The following PCDHGB1 variants were observed in gnomAD, a reference collection of about 807,000 sequenced individuals.
The protein encoded by PCDHGB1 is protocadherin gamma subfamily B, 1, also known as protocadherin gamma-B1.
Under a neutral mutation model 56.6 loss-of-function variants are expected in PCDHGB1, and 34 were observed. The ratio of observed to expected loss-of-function variants is 0.60; its 90% confidence interval spans 0.46 to 0.80. PCDHGB1 has a LOEUF of 0.80. Among genes scored for constraint, PCDHGB1 ranks in the 30% least tolerant of loss-of-function variants. The pLI, the probability that PCDHGB1 is intolerant of heterozygous loss-of-function variation, is 0.00. For synonymous variants in PCDHGB1, 561 were observed against 505.9 expected (o/e 1.11, Z -1.46); for missense variants, 1,278 against 1,204.6 (o/e 1.06, Z -0.90).
Position 141,486,445 on chromosome 5 carries a change from G to A in PCDHGB1, c.2410-8362G>A. On this transcript the variant is annotated intron_variant, in intron 1 of 3. Coordinates refer to ENST00000523390, the MANE Select transcript of PCDHGB1 (RefSeq NM_018922.3). The surrounding 1 kb of genome is among the most constrained non-coding windows in gnomAD (Gnocchi z 5.0). ...AGGCCAAATCTAGCTATGACATCAT[G>A]GTCACTGCTTCTGATGCTGGGAACC... 6.2e-7 allele frequency: 1 copy of A among 1,613,948 alleles called. No homozygotes were observed. The highest frequency in any genetic ancestry group is 8.5e-7 in the Non-Finnish European group (1 of 1,179,862).
At position 141,404,057 on chromosome 5, in the gene PCDHGB1, T is replaced by G. The variant is rs558471539; in HGVS notation, c.2409+51388T>G. ...ACCTCAGGGAACAGTAATTCTTCTT[T>G]TCAATGCTCATGACCGAGACTCCGG... On this transcript the variant is annotated intron_variant, in intron 1 of 3. Coordinates refer to ENST00000523390, the MANE Select transcript of PCDHGB1 (RefSeq NM_018922.3). 9.5e-5 allele frequency: 154 copies of G among 1,613,894 alleles called. No individual in the cohort carries two copies. The East Asian group carries it at 3.4e-3, about 36-fold the overall frequency.
intron 1 of PCDHGB1, chr5:141,441,037 A>G (rs1318122240): frequency 6.6e-6 from 1 of 152,194 alleles, no homozygotes; most frequent in Admixed American, 6.5e-5. Context: ...GAAAACTTTA[A>G]GTACATTGGA....
chr5:141,448,806 G>A (rs1412164815), intron 1 of PCDHGB1, among the ~76,000 whole-genome samples: 1 of 152,008 alleles, frequency 6.6e-6, no homozygotes, highest in Admixed American at 6.5e-5. Context: ...TTAGCCAGGC[G>A]TGATGGCGGG....
intron 1 of PCDHGB1, chr5:141,395,239 T>C: frequency 6.3e-7 from 1 of 1,589,970 alleles, no homozygotes; most frequent in Non-Finnish European, 8.6e-7. Flanking sequence ...CATGGTCAGG[T>C]GAGTTTAGTT....
intron 1 of PCDHGB1, among the ~76,000 whole-genome samples, chr5:141,483,361 A>C (rs752805137): frequency 4.6e-5 from 7 of 152,102 alleles, no homozygotes; most frequent in Non-Finnish European, 7.4e-5. Flanking sequence ...TTTGAAAGCT[A>C]TTGCAATATT....
At chr5:141,475,322 G>A (rs1352768659) in intron 1 of PCDHGB1, among the ~76,000 whole-genome samples, 1 of 152,204 alleles carries the variant, frequency 6.6e-6, no homozygotes, top group African/African-American at 2.4e-5. Flanking sequence ...CTTAAGAAAT[G>A]AGAGCTAACA....
At chr5:141,372,216 A>G (rs1768504235) in intron 1 of PCDHGB1, 8 of 1,613,520 alleles carry the variant, frequency 5.0e-6, no homozygotes, top group Non-Finnish European at 5.1e-6. Flanking sequence ...GTCCTACCAC[A>G]TTGTGCAGGC....
intron 1 of PCDHGB1, among the ~76,000 whole-genome samples, chr5:141,438,793 C>T (rs982191766): frequency 2.7e-5 from 4 of 149,544 alleles, no homozygotes; most frequent in African/African-American, 7.4e-5. Context: ...TCTCCAGTAG[C>T]TGGGATTACA....
At chr5:141,404,238 C>T (rs764561008) in intron 1 of PCDHGB1, 3 of 1,613,712 alleles carry the variant, frequency 1.9e-6, no homozygotes, top group Non-Finnish European at 2.5e-6. Context: ...GACAGAGGAA[C>T]TCCGCCCCTG....
At chr5:141,394,883 ACT>A (rs1415060925) in intron 1 of PCDHGB1, 4 of 1,611,604 alleles carry the variant, frequency 2.5e-6, no homozygotes, top group Admixed American at 1.7e-5. Context: ...CGAGCCTTAC[ACT>A]CTATCTCGTG....
In PCDHGB1 at chr5:141,487,934, C is replaced by T; in HGVS notation, c.2410-6873C>T. 4.9e-6 allele frequency: 3 copies of T among 607,674 alleles called. No homozygotes were observed. The highest frequency in any genetic ancestry group is 2.1e-5 in the South Asian group (1 of 48,014). 37.6% of individuals were successfully genotyped at this position (607,674 alleles called of 1,614,324 possible). Reference sequence around the variant, plus strand: ...ACAGGAGGCTACAGTGCACAGGGTACAGTGCACCAGGCAGTCACTTGGACA... The same window carrying T: ...ACAGGAGGCTACAGTGCACAGGGTATAGTGCACCAGGCAGTCACTTGGACA... On this transcript the variant is annotated intron_variant, in intron 1 of 3. Transcript: ENST00000523390. This position sits in a 1 kb window ranked among gnomAD's most constrained non-coding sequence, Gnocchi z 5.0.
rs777751826 is a variant in PCDHGB1, at chr5:141,371,625, G to T, written c.2409+18956G>T. 2.4e-5 allele frequency: 38 copies of T among 1,613,874 alleles called. No homozygotes were observed. The highest frequency in any genetic ancestry group is 3.3e-5 in the Admixed American group (2 of 60,014). ...CAGGTTGGTGACAGATGGAGCCCTG[G>T]ACCGGGAGCAGATCCCAGAATACAA... On this transcript the variant is annotated intron_variant, in intron 1 of 3. Coordinates refer to ENST00000523390, the MANE Select transcript of PCDHGB1 (RefSeq NM_018922.3).
intron 1 of PCDHGB1, chr5:141,417,710 T>C: frequency 8.0e-7 from 1 of 1,249,348 alleles, no homozygotes; most frequent in Non-Finnish European, 1.1e-6. Context: ...ACACAGAGGC[T>C]CCCGGCTGCG....
chr5:141,367,183 G>A lies in PCDHGB1; in HGVS notation c.2409+14514G>A, dbSNP rs190214885. On this transcript the variant is annotated intron_variant, in intron 1 of 3. Coordinates refer to ENST00000523390, the MANE Select transcript of PCDHGB1 (RefSeq NM_018922.3). Reference sequence around the variant, plus strand: ...TTAGTCTACCTGAAATTTGTTTAAGGAAATAATTTACAGTATTTACATAAA... The same window carrying A: ...TTAGTCTACCTGAAATTTGTTTAAGAAAATAATTTACAGTATTTACATAAA... 1.5e-3 allele frequency: 236 copies of A among 158,878 alleles called. 2 individuals carry two copies. The Middle Eastern group carries it at 0.027, about 18-fold the overall frequency. The allele number at this position is 158,878 out of a possible 1,614,324, so 9.8% of individuals were successfully genotyped here.
At chr5:141,483,656 G>A (rs1345435222) in intron 1 of PCDHGB1, among the ~76,000 whole-genome samples, 1 of 151,984 alleles carries the variant, frequency 6.6e-6, no homozygotes, top group Non-Finnish European at 1.5e-5. Flanking sequence ...GTTTGTGTGT[G>A]TGTGTGTGTG....
At position 141,432,716 on chromosome 5, in the gene PCDHGB1, C is replaced by A; in HGVS notation, c.2410-62091C>A. 6.2e-7 allele frequency: 1 copy of A among 1,614,030 alleles called. No individual in the cohort carries two copies. The highest frequency in any genetic ancestry group is 1.1e-5 in the South Asian group (1 of 91,084). ...GGCCGTCCAGGACCACGGCCAGCCC[C>A]CTCTCTCCGCCACTGTCACGCTCAC... On this transcript the variant is annotated intron_variant, in intron 1 of 3. Transcript: ENST00000523390. This position sits in a 1 kb window ranked among gnomAD's most constrained non-coding sequence, Gnocchi z 6.0.
chr5:141,438,658 G>GTA (rs2098048375), intron 1 of PCDHGB1, among the ~76,000 whole-genome samples: 7 of 77,996 alleles, frequency 9.0e-5, no homozygotes, highest in African/African-American at 1.9e-4. Flanking sequence ...ACACATATAT[G>GTA]TATATATATA....
chr5:141,430,309 A>G (rs984998714), intron 1 of PCDHGB1, among the ~76,000 whole-genome samples: 2 of 152,116 alleles, frequency 1.3e-5, no homozygotes, highest in Non-Finnish European at 2.9e-5. Context: ...CACTAACATT[A>G]TAAGATTAAA....
Position 141,418,795 on chromosome 5 carries a change from A to G in PCDHGB1, c.2409+66126A>G, listed in dbSNP as rs373690093. The G allele has an allele frequency of 6.8e-6, 11 of 1,613,740 alleles. No homozygotes were observed. The African/African-American group carries it at 1.5e-4, about 22-fold the overall frequency. On this transcript the variant is annotated intron_variant, in intron 1 of 3. Transcript: ENST00000523390. Reference sequence around the variant, plus strand: ...AGCAGCCTTTGGATTTTGAAGAAGTAGAAAGATATACGATAAACATAGAAG... The same window carrying G: ...AGCAGCCTTTGGATTTTGAAGAAGTGGAAAGATATACGATAAACATAGAAG...
Sources: gnomAD v4.1 joint callset for allele counts (sites outside exome capture counted in the v4.1 genomes callset) on GRCh38, gnomAD v4.1.1 for gene constraint, Gnocchi (gnomAD v3.1) non-coding constraint, MANE v1.5 for transcripts, NCBI Gene and HGNC (gene_info 2026-07-23, HGNC 2026-07-21) for gene names.